Variants in YTHDF3 observed in about 807,000 individuals in gnomAD.
YTHDF3 encodes the protein YTH domain-containing family protein 3.
Under a neutral mutation model 52.5 loss-of-function variants are expected in YTHDF3, and 9 were observed. That is an observed-to-expected ratio of 0.17 (90% confidence interval 0.10 to 0.30). The LOEUF is 0.30. Among genes scored for constraint, YTHDF3 ranks in the 10% least tolerant of loss-of-function variants. YTHDF3 has a pLI of 1.00. For synonymous variants in YTHDF3, 274 were observed against 243.3 expected (o/e 1.13, Z -1.18); for missense variants, 534 against 715.0 (o/e 0.75, Z 2.89).
At chr8:63,201,328 A>G (rs1053894029) in intron 4 of YTHDF3, among the ~76,000 whole-genome samples, 2 of 152,140 alleles carry the variant, frequency 1.3e-5, no homozygotes, top group African/African-American at 4.8e-5. Flanking sequence ...GTTCGAGACC[A>G]CGCTGGCCAA....
chr8:63,206,799 A>G (rs557169204), intron 4 of YTHDF3, among the ~76,000 whole-genome samples: 34 of 151,342 alleles, frequency 2.2e-4, no homozygotes, highest in African/African-American at 8.0e-4. Context: ...CTCTTTTCTA[A>G]TTTCCATTAT....
rs769164848 is a variant in YTHDF3 at position 63,186,831 on chromosome 8, A to G, written c.820A>G (p.Met274Val). 1.1e-5 allele frequency: 18 copies of G among 1,613,942 alleles called. 1 individual carries two copies. The South Asian group carries it at 1.9e-4, about 17-fold the overall frequency. ...ACCACCACCTCCTATAAAACACAACATGAATATTGGAACTTGGGATGAAAA... is the reference window on the plus strand; with the variant it reads ...ACCACCACCTCCTATAAAACACAACGTGAATATTGGAACTTGGGATGAAAA... ...AVPPPPIKHN[M>V]NIGTWDEKGS... is the part of the protein sequence containing the mutation. Residue 274 changes from methionine (M) to valine (V), a missense_variant, in exon 4 of 5, where the codon ATG (methionine) becomes GTG (valine). Transcript: ENST00000539294.
At chr8:63,180,854 A>G (rs562500918) in intron 3 of YTHDF3, among the ~76,000 whole-genome samples, 4 of 152,348 alleles carry the variant, frequency 2.6e-5, no homozygotes, top group South Asian at 4.1e-4. Flanking sequence ...AGCGCCTGCA[A>G]TCGCAGGCAC....
At chr8:63,195,802 G>A (rs1003261850) in intron 4 of YTHDF3, among the ~76,000 whole-genome samples, 4 of 151,778 alleles carry the variant, frequency 2.6e-5, no homozygotes, top group African/African-American at 9.7e-5. Context: ...ACGTGTGTGT[G>A]TGTGCGTGCA....
chr8:63,173,997 CAA>C (rs1040488453), intron 2 of YTHDF3, among the ~76,000 whole-genome samples: 1 of 152,028 alleles, frequency 6.6e-6, no homozygotes, highest in African/African-American at 2.4e-5. Flanking sequence ...CATTGGATGG[CAA>C]AGATTTAAGG....
At chr8:63,186,086 TTTC>T in intron 3 of YTHDF3, 58 bp from the exon 4 acceptor site, 2 of 1,459,058 alleles carry the variant, frequency 1.4e-6, no homozygotes, top group East Asian at 2.3e-5. Flanking sequence ...ATCTTTCAGA[TTTC>T]TTTTTTTGCT....
At chr8:63,206,503 A>T (rs754973361) in intron 4 of YTHDF3, among the ~76,000 whole-genome samples, 32 of 152,146 alleles carry the variant, frequency 2.1e-4, no homozygotes, top group Non-Finnish European at 3.4e-4. Flanking sequence ...TATCTAATCC[A>T]TCAGCAGTAA....
intron 3 of YTHDF3, among the ~76,000 whole-genome samples, chr8:63,175,876 A>G (rs1177683934): frequency 6.6e-6 from 1 of 152,230 alleles, no homozygotes; most frequent in African/African-American, 2.4e-5. Flanking sequence ...GATTGAATTC[A>G]TTGATAACTA....
chr8:63,182,312 C>T (rs1361393124), intron 3 of YTHDF3, among the ~76,000 whole-genome samples: 1 of 148,006 alleles, frequency 6.8e-6, no homozygotes, highest in Non-Finnish European at 1.5e-5. Flanking sequence ...CTCAATTGAT[C>T]CACCTTTTCC....
chr8:63,198,217 C>CTTTCT (rs1314644230), intron 4 of YTHDF3, among the ~76,000 whole-genome samples: 13 of 152,090 alleles, frequency 8.5e-5, no homozygotes, highest in African/African-American at 2.2e-4. Context: ...GTTTTCTCTT[C>CTTTCT]TTTCTTTTCT....
chr8:63,179,528 G>A (rs1476838376), intron 3 of YTHDF3, among the ~76,000 whole-genome samples: 7 of 152,170 alleles, frequency 4.6e-5, no homozygotes, highest in Non-Finnish European at 8.8e-5. Flanking sequence ...AGAGCACAGG[G>A]TTGGGGGTAA....
chr8:63,169,614 G>C (rs146629174), intron 2 of YTHDF3: 9 of 587,366 alleles, frequency 1.5e-5, no homozygotes, highest in Admixed American at 9.1e-5. Context: ...AGAAACCAAA[G>C]TAGTACGAGA....
intron 4 of YTHDF3, among the ~76,000 whole-genome samples, chr8:63,202,379 T>G (rs1025345967): frequency 3.9e-5 from 6 of 152,202 alleles, no homozygotes; most frequent in Non-Finnish European, 7.3e-5. Flanking sequence ...TATCTAAGTA[T>G]TATTAGCACT....
At chr8:63,184,157 G>T (rs1808345264) in intron 3 of YTHDF3, among the ~76,000 whole-genome samples, 1 of 152,184 alleles carries the variant, frequency 6.6e-6, no homozygotes, top group South Asian at 2.1e-4. Flanking sequence ...GACTGATTGT[G>T]TTGGAAAAAC....
chr8:63,184,992 A>G (rs1180952021), intron 3 of YTHDF3, among the ~76,000 whole-genome samples: 3 of 152,098 alleles, frequency 2.0e-5, no homozygotes, highest in Non-Finnish European at 4.4e-5. Context: ...ATGGTGGCGG[A>G]CGCCTGTGGT....
intron 4 of YTHDF3, among the ~76,000 whole-genome samples, chr8:63,205,260 G>A (rs1315142589): frequency 6.6e-6 from 1 of 151,986 alleles, no homozygotes; most frequent in African/African-American, 2.4e-5. Flanking sequence ...GTCCTTCTCC[G>A]GGTGTATGGG....
At chr8:63,181,574 A>G (rs1048066027) in intron 3 of YTHDF3, among the ~76,000 whole-genome samples, 22 of 152,208 alleles carry the variant, frequency 1.4e-4, no homozygotes, top group African/African-American at 5.1e-4. Context: ...ACACACACCT[A>G]TGGCATTTCC....
At chr8:63,183,197 G>A (rs1397484949) in intron 3 of YTHDF3, among the ~76,000 whole-genome samples, 3 of 152,108 alleles carry the variant, frequency 2.0e-5, no homozygotes, top group African/African-American at 7.2e-5. Context: ...CAGACCTCAG[G>A]TGATATGCCT....
intron 4 of YTHDF3, among the ~76,000 whole-genome samples, chr8:63,198,686 A>G (rs150646230): frequency 3.3e-5 from 5 of 152,342 alleles, no homozygotes; most frequent in East Asian, 1.9e-4. Context: ...TTGTGTTAAC[A>G]TAGAAGAAAT....
Sources: gnomAD v4.1 joint callset for allele counts (sites outside exome capture counted in the v4.1 genomes callset) on GRCh38, gnomAD v4.1.1 for gene constraint, MANE v1.5 for transcripts, NCBI Gene and HGNC (gene_info 2026-07-23, HGNC 2026-07-21) for gene names.